Variants in ATP7A observed in about 807,000 individuals in gnomAD.
ATP7A encodes copper-transporting ATPase 1.
A neutral mutation model predicts 83.5 loss-of-function variants in ATP7A; 7 were observed. The observed-to-expected ratio is 0.08, with a 90% confidence interval of 0.05 to 0.16. The LOEUF is 0.16. Among genes scored for constraint, ATP7A ranks in the 10% least tolerant of loss-of-function variants. ATP7A has a pLI of 1.00. For synonymous variants in ATP7A, 354 were observed against 395.2 expected, an observed-to-expected ratio of 0.90 and a Z score of 1.24; for missense variants, 940 against 1,120.8, an observed-to-expected ratio of 0.84 and a Z score of 2.30.
intron 2 of ATP7A, among the ~76,000 whole-genome samples, chrX:77,987,374 A>T (rs1212948235): frequency 9.1e-6 from 1 of 109,434 alleles, no homozygotes; most frequent in African/African-American, 3.3e-5. Flanking sequence ...GGTAGAACTA[A>T]TGGGTGTGGT....
At chrX:77,972,382 T>C (rs1315372734) in intron 2 of ATP7A, among the ~76,000 whole-genome samples, 1 of 110,488 alleles carries the variant, frequency 9.1e-6, no homozygotes, top group Non-Finnish European at 1.9e-5. Flanking sequence ...GATGGAGTTT[T>C]GCTCTTGCTG....
intron 1 of ATP7A, among the ~76,000 whole-genome samples, chrX:77,931,806 G>A (rs1204490489): frequency 9.9e-6 from 1 of 101,465 alleles, no homozygotes; most frequent in African/African-American, 3.6e-5. Flanking sequence ...CGGGGCGGCT[G>A]GCCGGGCGGG....
chrX:77,969,771 G>A, intron 1 of ATP7A: 1 of 775,631 alleles, frequency 1.3e-6, no homozygotes, highest in Non-Finnish European at 1.9e-6. Flanking sequence ...TGTTTCCATG[G>A]GATATATTAG....
chrX:78,044,828 G>A (rs1214242928), intron 21 of ATP7A, among the ~76,000 whole-genome samples: 4 of 111,667 alleles, frequency 3.6e-5, no homozygotes, highest in Non-Finnish European at 7.5e-5. Flanking sequence ...TGGTTTGAGG[G>A]CCAAGGAAAG....
chrX:78,001,465 A>G (rs1473641426), intron 5 of ATP7A, among the ~76,000 whole-genome samples: 1 of 111,234 alleles, frequency 9.0e-6, no homozygotes, highest in Non-Finnish European at 1.9e-5. Flanking sequence ...AAACAATTCA[A>G]TTATATTCTG....
intron 2 of ATP7A, among the ~76,000 whole-genome samples, chrX:77,980,666 T>A (rs2077599624): frequency 9.1e-6 from 1 of 110,349 alleles, no homozygotes; most frequent in African/African-American, 3.3e-5. Flanking sequence ...AATATAAAAC[T>A]TTTTTTTAAA....
At position 78,046,734 on chromosome X, in the gene ATP7A, G is replaced by A. The variant is rs1271017876; in HGVS notation, c.*164G>A. 4 of 682,531 alleles carry A rather than the reference G, an allele frequency of 5.9e-6. No individual in the cohort carries two copies. Among genetic ancestry groups the A allele is most frequent in the Non-Finnish European group, 8.9e-6 (4 of 450,217 alleles). The allele number at this position is 682,531 out of a possible 1,213,427, so 56.2% of individuals were successfully genotyped here. A position where few individuals can be genotyped will look rare whatever the true frequency, so the allele number is the denominator to read the frequency against. On this transcript the variant is annotated 3_prime_UTR_variant, in exon 23 of 23. Coordinates refer to ENST00000341514, the MANE Select transcript of ATP7A (RefSeq NM_000052.7). ...CTGTTGGCAAAAATATCTTTTTCAAGGCATCAGCTCTGAACCTAGCTTTAT... is the reference window on the plus strand; with the variant it reads ...CTGTTGGCAAAAATATCTTTTTCAAAGCATCAGCTCTGAACCTAGCTTTAT...
chrX:77,979,848 T>G (rs1603380007), intron 2 of ATP7A, among the ~76,000 whole-genome samples: 1 of 112,689 alleles, frequency 8.9e-6, no homozygotes, highest in Non-Finnish European at 1.9e-5. Flanking sequence ...TTTTGGGAAT[T>G]GTGTCCTAAG....
In ATP7A at chrX:77,998,687, G is replaced by A; in HGVS notation, c.1543+3G>A. On this transcript the variant is annotated splice_donor_region_variant and intron_variant, in intron 5 of 22. Transcript: ENST00000341514. ...ACGGAATTTAAGGCGGGAAGAAGGT[G>A]AGACACTCTTGAAGCTTGTTATTTT... The A allele has an allele frequency of 8.3e-7, 1 of 1,209,212 alleles. No homozygotes were observed. The highest frequency in any genetic ancestry group is 1.1e-6 in the Non-Finnish European group (1 of 893,339).
intron 17 of ATP7A, among the ~76,000 whole-genome samples, chrX:78,035,910 C>G (rs2078010672): frequency 8.9e-6 from 1 of 111,929 alleles, no homozygotes; most frequent in South Asian, 3.7e-4. Context: ...TGTACTTAAT[C>G]TCTGTTACTG....
At chrX:77,969,521 G>A (rs782408548) in intron 1 of ATP7A, 18 of 1,211,093 alleles carry the variant, frequency 1.5e-5, no homozygotes, top group South Asian at 1.1e-4. Context: ...TGCCCGCCGC[G>A]CTTCGCCTCC....
intron 2 of ATP7A, among the ~76,000 whole-genome samples, chrX:77,986,911 G>C (rs1260437449): frequency 1.8e-5 from 2 of 111,285 alleles, no homozygotes; most frequent in Non-Finnish European, 3.8e-5. Context: ...CTTTTCCATG[G>C]CTTCCTATTA....
chrX:77,921,634 G>A (rs1290897912), intron 1 of ATP7A, among the ~76,000 whole-genome samples: 2 of 112,321 alleles, frequency 1.8e-5, no homozygotes, highest in Non-Finnish European at 3.8e-5. Flanking sequence ...CAGGTGCAGT[G>A]CCTCACGCCT....
At chrX:77,945,580 G>T (rs2077374932) in intron 1 of ATP7A, among the ~76,000 whole-genome samples, 1 of 112,093 alleles carries the variant, frequency 8.9e-6, no homozygotes, top group Admixed American at 9.5e-5. Flanking sequence ...TCTTTATGTT[G>T]TGTTTATAGG....
At chrX:78,021,876 G>T (rs921490659) in intron 14 of ATP7A, among the ~76,000 whole-genome samples, 6 of 111,176 alleles carry the variant, frequency 5.4e-5, no homozygotes, top group African/African-American at 1.6e-4. Context: ...CGGACTGCTG[G>T]TCCCAGATGA....
intron 1 of ATP7A, among the ~76,000 whole-genome samples, chrX:77,960,107 G>A (rs1183117891): frequency 1.8e-5 from 2 of 112,626 alleles, no homozygotes; most frequent in Non-Finnish European, 3.8e-5. Flanking sequence ...AAGGCTGGGC[G>A]TGGTGGCTCA....
At chrX:77,951,020 C>CA (rs1248831442) in intron 1 of ATP7A, among the ~76,000 whole-genome samples, 1 of 109,940 alleles carries the variant, frequency 9.1e-6, no homozygotes, top group Non-Finnish European at 1.9e-5. Context: ...GACTCTGTCT[C>CA]AAAAAAGAAA....
At chrX:77,969,642 G>A (rs200923764) in intron 1 of ATP7A, 65 of 1,210,097 alleles carry the variant, frequency 5.4e-5, no homozygotes, top group Non-Finnish European at 6.8e-5. Context: ...CGGCCATGGC[G>A]GTGGGCTGCA....
At chrX:77,944,558 G>A (rs1557225964) in intron 1 of ATP7A, among the ~76,000 whole-genome samples, 3 of 110,022 alleles carry the variant, frequency 2.7e-5, no homozygotes, top group African/African-American at 9.9e-5. Context: ...CTCAGCCTCT[G>A]GAGTAGTTGG....
Sources: allele counts gnomAD v4.1 joint callset (sites outside exome capture counted in the v4.1 genomes callset), GRCh38; gene constraint gnomAD v4.1.1; transcripts MANE v1.5; gene names NCBI Gene and HGNC (gene_info 2026-07-23, HGNC 2026-07-21).